The following ARMC2 variants were observed in gnomAD, a reference collection of about 807,000 sequenced individuals.
ARMC2 encodes armadillo repeat containing 2, also known as armadillo repeat-containing protein 2.
Under a neutral mutation model 90.3 loss-of-function variants are expected in ARMC2, and 67 were observed. That is an observed-to-expected ratio of 0.74 (90% confidence interval 0.61 to 0.91). ARMC2 has a LOEUF of 0.91. ARMC2 is among the 40% of genes least tolerant of loss of function. ARMC2 has a pLI of 0.00. For missense variants in ARMC2, 920 were observed against 1,030.9 expected (o/e 0.89, Z 1.47); for synonymous variants, 393 against 393.0 (o/e 1.00, Z 0.00).
chr6:108,981,047 C>G, the ARMC2 span, among the ~76,000 whole-genome samples: 2 of 152,156 alleles, frequency 1.3e-5, no homozygotes, highest in Non-Finnish European at 2.9e-5. Context: ...CTGGTAGATT[C>G]ACTCCAACAG....
the ARMC2 span, among the ~76,000 whole-genome samples, chr6:108,996,506 TCTC>T: frequency 2.0e-5 from 3 of 152,194 alleles, no homozygotes; most frequent in Non-Finnish European, 4.4e-5. Context: ...GTTTACCTAT[TCTC>T]CTCTTAAAGA....
the ARMC2 span, among the ~76,000 whole-genome samples, chr6:108,984,741 T>G: frequency 2.0e-5 from 3 of 152,250 alleles, no homozygotes; most frequent in African/African-American, 7.2e-5. Flanking sequence ...AACTGATTTT[T>G]GTGTGCTGAC....
intron 13 of ARMC2, among the ~76,000 whole-genome samples, chr6:108,956,032 A>C (rs1777557774): frequency 6.6e-6 from 1 of 152,198 alleles, no homozygotes; most frequent in Non-Finnish European, 1.5e-5. Context: ...TTGCCCATTA[A>C]GTGTTGAGAC....
intron 3 of ARMC2, among the ~76,000 whole-genome samples, chr6:108,863,201 A>G (rs550593896): frequency 6.6e-6 from 1 of 152,040 alleles, no homozygotes; most frequent in African/African-American, 2.4e-5. Flanking sequence ...CTGGAGTTCA[A>G]TGACATGATC....
intron 3 of ARMC2, 137 bp from the exon 4 acceptor site, chr6:108,868,675 GGGCCAGTGAGTT>G (rs753155060): frequency 1.5e-6 from 1 of 659,456 alleles, no homozygotes; most frequent in Non-Finnish European, 2.6e-6. Flanking sequence ...TATGTAAGAT[GGGCCAGTGAGTT>G]GGTAGAATCA....
At chr6:108,933,124 A>T (rs1775712523) in intron 11 of ARMC2, among the ~76,000 whole-genome samples, 1 of 152,050 alleles carries the variant, frequency 6.6e-6, no homozygotes, top group South Asian at 2.1e-4. Flanking sequence ...GTAGTTTGAT[A>T]GGAATAGGAT....
At chr6:109,014,629 GTTTGTTTTGT>G in the ARMC2 span, among the ~76,000 whole-genome samples, 118 of 152,210 alleles carry the variant, frequency 7.8e-4, no homozygotes, top group Non-Finnish European at 1.1e-3. Flanking sequence ...TTTTTTGTTT[GTTTGTTTTGT>G]TTTGTTTTGT....
chr6:109,008,717 T>C, the ARMC2 span: 1 of 953,230 alleles, frequency 1.0e-6, no homozygotes, highest in Non-Finnish European at 1.2e-6. Flanking sequence ...TGCAACCACT[T>C]AGAAAAAAAC....
chr6:108,921,649 T>C (rs1774583444), intron 10 of ARMC2, among the ~76,000 whole-genome samples: 2 of 152,230 alleles, frequency 1.3e-5, no homozygotes, highest in Admixed American at 1.3e-4. Flanking sequence ...TTGGCATATA[T>C]GTGGCCTCAA....
chr6:109,015,230 A>G, the ARMC2 span, among the ~76,000 whole-genome samples: 6 of 152,154 alleles, frequency 3.9e-5, no homozygotes, highest in Non-Finnish European at 5.9e-5. Context: ...AGCTCTGCTA[A>G]GCAATCTGTC....
intron 17 of ARMC2, among the ~76,000 whole-genome samples, chr6:108,966,172 T>G (rs1351308271): frequency 6.9e-6 from 1 of 145,244 alleles, no homozygotes; most frequent in Non-Finnish European, 1.5e-5. Flanking sequence ...AGGTGCTGAG[T>G]TTTTAAATTT....
intron 5 of ARMC2, among the ~76,000 whole-genome samples, chr6:108,882,738 A>T (rs889953255): frequency 6.6e-6 from 1 of 152,326 alleles, no homozygotes; most frequent in East Asian, 1.9e-4. Context: ...CCTGAAGAAG[A>T]TAATTATCTT....
intron 11 of ARMC2, among the ~76,000 whole-genome samples, chr6:108,931,832 C>T (rs1009103960): frequency 1.1e-4 from 16 of 151,302 alleles, no homozygotes; most frequent in Non-Finnish European, 1.2e-4. Flanking sequence ...GGCATGATCT[C>T]GGCTCACCAT....
At chr6:108,895,443 C>A (rs1030033497) in intron 6 of ARMC2, among the ~76,000 whole-genome samples, 1 of 143,910 alleles carries the variant, frequency 6.9e-6, no homozygotes, top group African/African-American at 2.6e-5. Flanking sequence ...TAGACCACGC[C>A]GCTGCACTCC....
At chr6:109,033,219 G>A in the ARMC2 span, among the ~76,000 whole-genome samples, 1 of 152,174 alleles carries the variant, frequency 6.6e-6, no homozygotes, top group Non-Finnish European at 1.5e-5. Flanking sequence ...TAAAGAGAGT[G>A]CAGTGGTCTG....
chr6:109,044,913 C>T, the ARMC2 span, among the ~76,000 whole-genome samples: 1 of 152,030 alleles, frequency 6.6e-6, no homozygotes, highest in Non-Finnish European at 1.5e-5. Flanking sequence ...ATCTCAGCTA[C>T]TTGGGCAGCT....
chr6:108,851,550 T>C (rs1774014918), intron 1 of ARMC2, among the ~76,000 whole-genome samples: 1 of 152,152 alleles, frequency 6.6e-6, no homozygotes, highest in Non-Finnish European at 1.5e-5. Flanking sequence ...CCAATGCCTC[T>C]AAGTGCCCCA....
chr6:108,943,629 G>A (rs564886048), intron 12 of ARMC2, among the ~76,000 whole-genome samples: 69 of 151,888 alleles, frequency 4.5e-4, no homozygotes, highest in Non-Finnish European at 6.9e-4. Context: ...GACCAGCCTG[G>A]GCAACATGGT....
intron 13 of ARMC2, among the ~76,000 whole-genome samples, chr6:108,957,308 G>T (rs750529285): frequency 9.9e-5 from 15 of 152,178 alleles, no homozygotes; most frequent in Non-Finnish European, 1.8e-4. Flanking sequence ...GAGTTTCTAA[G>T]CCCTGCTAAG....
Sources: allele counts gnomAD v4.1 joint callset (sites outside exome capture counted in the v4.1 genomes callset), GRCh38; gene constraint gnomAD v4.1.1; transcripts MANE v1.5; gene names NCBI Gene and HGNC (gene_info 2026-07-23, HGNC 2026-07-21).